Variants in ATP7B observed in about 807,000 individuals in gnomAD.
ATP7B encodes copper-transporting ATPase 2.
ATP7B carries 113 observed loss-of-function variants against 118.9 expected under a neutral mutation model. The ratio of observed to expected loss-of-function variants is 0.95; its 90% confidence interval spans 0.82 to 1.11. The LOEUF is 1.11. Among genes scored for constraint, ATP7B ranks in the 50% most tolerant of loss-of-function variants. The pLI is 0.00. For missense variants in ATP7B, 1,867 were observed against 1,871.4 expected (o/e 1.00, Z 0.04); for synonymous variants, 777 against 727.4 (o/e 1.07, Z -1.10).
chr13:51,980,247 T>C (rs1192328928), intron 1 of ATP7B, among the ~76,000 whole-genome samples: 1 of 152,216 alleles, frequency 6.6e-6, no homozygotes, highest in African/African-American at 2.4e-5. Flanking sequence ...CACTAGATTC[T>C]GCACTCCTTA....
intron 12 of ATP7B, among the ~76,000 whole-genome samples, chr13:51,949,431 C>G (rs1957856789): frequency 6.6e-6 from 1 of 152,124 alleles, no homozygotes. Flanking sequence ...CAATTGGTGT[C>G]TGTGAAAATT....
Position 51,990,244 on chromosome 13 carries a change from G to C in ATP7B, c.52-15076C>G, listed in dbSNP as rs1952844337. Among the ~76,000 whole-genome samples, 3 of 151,992 alleles carry C rather than the reference G, an allele frequency of 2.0e-5. No homozygotes were observed. In the South Asian group the frequency reaches 6.2e-4, roughly 31 times the overall value. The stretch of plus-strand genomic sequence containing the variant: ...ATTTTGCCTAATTGCTCTTCAAAAA[G>C]TATTACTGCTTTTGTCCTAGAAATT... On this transcript the variant is annotated intron_variant, in intron 1 of 20. Transcript: ENST00000242839.
At chr13:51,937,917 C>T (rs1411803124) in intron 17 of ATP7B, among the ~76,000 whole-genome samples, 1 of 152,202 alleles carries the variant, frequency 6.6e-6, no homozygotes, top group African/African-American at 2.4e-5. Flanking sequence ...CCTTGCTGGT[C>T]TCCCTGTCCA....
intron 1 of ATP7B, among the ~76,000 whole-genome samples, chr13:51,991,183 A>T (rs1360015160): frequency 6.6e-6 from 1 of 152,178 alleles, no homozygotes; most frequent in African/African-American, 2.4e-5. Context: ...ACCACGTAAC[A>T]ACCTTATAGT....
intron 1 of ATP7B, among the ~76,000 whole-genome samples, chr13:51,980,332 T>C (rs767593092): frequency 2.0e-5 from 3 of 152,196 alleles, no homozygotes; most frequent in Admixed American, 6.5e-5. Context: ...TTTTGAATTT[T>C]TGATAAATGA....
rs1419767930 is a variant in ATP7B at position 51,974,625 on chromosome 13, C to A, written c.595G>T (p.Asp199Tyr). The change falls in exon 2 of 21, where the codon GAC becomes TAC. Residue 199 changes from aspartate (D) to tyrosine (Y), a missense_variant. Coordinates refer to ENST00000242839, the MANE Select transcript of ATP7B (RefSeq NM_000053.4). ...TCAAATCCCATGTCATTTACATGGT[C>A]CCTGAGGTCTTCGGGCTGAATGAGA... Reference protein sequence around the residue: ...PYLIQPEDLRDHVNDMGFEAA... With the variant: ...PYLIQPEDLRYHVNDMGFEAA... 7.4e-6 allele frequency: 12 copies of A among 1,612,720 alleles called. No homozygotes were observed. Among genetic ancestry groups the A allele is most frequent in the South Asian group, 1.1e-5 (1 of 91,046 alleles).
At chr13:51,942,319 G>T in intron 15 of ATP7B, 67 bp downstream of exon 15, 1 of 1,605,076 alleles carries the variant, frequency 6.2e-7, no homozygotes. Flanking sequence ...ACTGCTGGGC[G>T]TGGTGCTCTC....
chr13:51,954,445 A>G (rs1026901438), intron 9 of ATP7B, among the ~76,000 whole-genome samples: 3 of 152,244 alleles, frequency 2.0e-5, no homozygotes, highest in African/African-American at 7.2e-5. Flanking sequence ...TTTCAGGAAG[A>G]TCACTGGTTT....
intron 12 of ATP7B, chr13:51,947,747 T>C (rs969158054): frequency 6.6e-6 from 1 of 152,254 alleles, no homozygotes; most frequent in African/African-American, 2.4e-5. Flanking sequence ...ACACCTGGCA[T>C]TCTGATAGGA....
At chr13:51,995,893 G>A (rs1886537) in intron 1 of ATP7B, among the ~76,000 whole-genome samples, 5 of 152,188 alleles carry the variant, frequency 3.3e-5, no homozygotes, top group Non-Finnish European at 7.3e-5. Flanking sequence ...CTGGACACCC[G>A]GCCAAGGTGT....
Position 51,983,202 on chromosome 13 carries a change from G to A in ATP7B, c.52-8034C>T, listed in dbSNP as rs144910818. Among the ~76,000 whole-genome samples, 374 of 152,244 alleles carry A rather than the reference G, an allele frequency of 2.5e-3. 2 individuals are homozygous for A. Among genetic ancestry groups the A allele is most frequent in the African/African-American group, 8.6e-3 (358 of 41,548 alleles). ...ACTGCCAGCACAACAGTCTGAAATC[G>A]ACCTGGGATGCTCAAGCTTGGTCGG... On this transcript the variant is annotated intron_variant, in intron 1 of 20. Coordinates refer to ENST00000242839, the MANE Select transcript of ATP7B (RefSeq NM_000053.4).
chr13:51,935,454 G>T, intron 20 of ATP7B, 139 bp downstream of exon 20: 1 of 934,368 alleles, frequency 1.1e-6, no homozygotes. Context: ...TGCACACCAG[G>T]CTCCATGTGG....
At chr13:51,937,423 G>C (rs1225142655) in intron 18 of ATP7B, 30 bp from the exon 19 acceptor site, 1 of 1,614,156 alleles carries the variant, frequency 6.2e-7, no homozygotes, top group Non-Finnish European at 8.5e-7. Context: ...AGTGAGGAAG[G>C]GGTCTGCCCA....
At chr13:51,976,600 T>C (rs1172330669) in intron 1 of ATP7B, among the ~76,000 whole-genome samples, 3 of 152,208 alleles carry the variant, frequency 2.0e-5, no homozygotes, top group Admixed American at 1.3e-4. Flanking sequence ...GACTTCATCG[T>C]TGTGTGACCA....
At chr13:51,937,141 A>G (rs1593643714) in intron 19 of ATP7B, 135 bp downstream of exon 19, 2 of 132,824 alleles carry the variant, frequency 1.5e-5, no homozygotes, top group East Asian at 2.1e-4. Context: ...GGGGACATGA[A>G]AAAAAAAAAA....
intron 15 of ATP7B, among the ~76,000 whole-genome samples, chr13:51,941,849 A>ACG (rs1957353033): frequency 6.6e-6 from 1 of 151,850 alleles, no homozygotes; most frequent in East Asian, 1.9e-4. Context: ...CACTACCAAC[A>ACG]CTTAGGAAAA....
In ATP7B at chr13:51,964,943, C is replaced by T; in HGVS notation, c.1798G>A (p.Ala600Thr). ...NGITYASVAL[A>T]TSKALVKFDP... ...AACTTAACAAGGGCTTTGCTGGTGG[C>T]AAGGGCAACGGAGGCATAAGTGATG... is the stretch of plus-strand genomic sequence containing the variant. Residue 600 changes from alanine (A) to threonine (T), a missense_variant, in exon 5 of 21, where the codon GCC becomes ACC. Transcript: ENST00000242839. 6.2e-7 allele frequency: 1 copy of T among 1,614,168 alleles called. No individual in the cohort carries two copies. Among genetic ancestry groups the T allele is most frequent in the Non-Finnish European group, 8.5e-7 (1 of 1,180,028 alleles).
intron 5 of ATP7B, among the ~76,000 whole-genome samples, chr13:51,963,759 A>AAAT (rs1958908717): frequency 7.1e-6 from 1 of 141,218 alleles, no homozygotes; most frequent in African/African-American, 2.7e-5. Context: ...AAAAAAAAAA[A>AAAT]CTCTCCAAGG....
rs574901028 is a variant in ATP7B at position 51,951,795 on chromosome 13, G to A, written c.2448-1396C>T. ...ACGTAAAATTCATCACACTCTACACGTAGGGTTTGTGTGTTGCAGTGACTG... is the reference window on the plus strand; with the variant it reads ...ACGTAAAATTCATCACACTCTACACATAGGGTTTGTGTGTTGCAGTGACTG... On this transcript the variant is annotated intron_variant, in intron 9 of 20. Coordinates refer to ENST00000242839, the MANE Select transcript of ATP7B (RefSeq NM_000053.4). 5.9e-5 allele frequency among the ~76,000 whole-genome samples: 9 copies of A among 152,260 alleles called. 1 individual carries two copies. In the East Asian group the frequency reaches 1.7e-3, roughly 29 times the overall value.
Sources: allele counts gnomAD v4.1 joint callset (sites outside exome capture counted in the v4.1 genomes callset), GRCh38; gene constraint gnomAD v4.1.1; transcripts MANE v1.5; gene names NCBI Gene and HGNC (gene_info 2026-07-23, HGNC 2026-07-21).